DHX32: variants seen among roughly 807,000 people sequenced by gnomAD.
DHX32 encodes DEAH-box helicase 32 (putative), also known as putative pre-mRNA-splicing factor ATP-dependent RNA helicase DHX32.
Under a neutral mutation model 70.0 loss-of-function variants are expected in DHX32, and 51 were observed. That is an observed-to-expected ratio of 0.73 (90% CI 0.58 to 0.92). The LOEUF (loss-of-function observed/expected upper bound fraction) is 0.92. Among genes scored for constraint, DHX32 ranks in the 40% least tolerant of loss-of-function variants. DHX32 has a pLI of 0.00. For synonymous variants in DHX32, 310 were observed against 315.3 expected, an observed-to-expected ratio of 0.98 and a Z score of 0.18; for missense variants, 762 against 891.8, an observed-to-expected ratio of 0.85 and a Z score of 1.85.
At chr10:125,878,953 C>T (rs1283648676) in intron 1 of DHX32, among the ~76,000 whole-genome samples, 2 of 150,844 alleles carry the variant, frequency 1.3e-5, no homozygotes, top group Non-Finnish European at 2.9e-5. Flanking sequence ...CATGATCTGC[C>T]CGTCTCGGCC....
rs1157793458 is a variant in DHX32 at position 125,875,861 on chromosome 10, G to GA, written c.282+4681dup. 2.0e-5 allele frequency among the ~76,000 whole-genome samples: 3 copies of GA among 152,298 alleles called. No individual in the cohort carries two copies. In the East Asian group the frequency reaches 5.8e-4, roughly 29 times the overall value. On this transcript the variant is annotated intron_variant, in intron 1 of 10. Transcript: ENST00000284690. ...ATAGTTTAAATGATGACAGCAAAAT[G>GA]AAACTGCCTTTGTAAAACTAATGAA... is the stretch of plus-strand genomic sequence containing the variant.
chr10:125,880,218 G>A (rs775958884), intron 1 of DHX32, among the ~76,000 whole-genome samples: 2 of 152,126 alleles, frequency 1.3e-5, no homozygotes, highest in Admixed American at 6.5e-5. Flanking sequence ...GAAATAACAC[G>A]CATCACATCT....
intron 1 of DHX32, among the ~76,000 whole-genome samples, chr10:125,886,352 C>G (rs1279693042): frequency 6.6e-6 from 1 of 152,228 alleles, no homozygotes; most frequent in Non-Finnish European, 1.5e-5. Context: ...TTAAGACCAC[C>G]ACCTAACATA....
intron 1 of DHX32, among the ~76,000 whole-genome samples, chr10:125,891,426 G>T (rs1389939654): frequency 2.0e-5 from 3 of 152,172 alleles, no homozygotes; most frequent in Admixed American, 6.5e-5. Flanking sequence ...TTGATTTGTT[G>T]TCCCAAATGT....
At position 125,859,592 on chromosome 10, in the gene DHX32, C is replaced by A; in HGVS notation, c.849+11G>T. The stretch of plus-strand genomic sequence containing the variant: ...CCTTATTACTGTAAGGTTAGAGTAT[C>A]ACTTACTTACTTGTTCACAGGCCAG... On this transcript the variant is annotated intron_variant, in intron 3 of 10. Coordinates refer to ENST00000284690, the MANE Select transcript of DHX32 (RefSeq NM_018180.3). 1 of 1,553,232 alleles carries A rather than the reference C, an allele frequency of 6.4e-7. No individual in the cohort carries two copies. The highest frequency in any genetic ancestry group is 1.3e-5 in the South Asian group (1 of 79,530).
intron 1 of DHX32, among the ~76,000 whole-genome samples, chr10:125,871,846 T>A (rs2134065793): frequency 6.6e-6 from 1 of 150,712 alleles, no homozygotes; most frequent in South Asian, 2.1e-4. Flanking sequence ...TTTCTTCCCC[T>A]AGTTCTGCTT....
intron 4 of DHX32, chr10:125,853,266 C>A: frequency 6.7e-7 from 1 of 1,498,168 alleles, no homozygotes; most frequent in Non-Finnish European, 9.2e-7. Context: ...ATTTAGGAGG[C>A]TCATAGTCTC....
upstream of DHX32, among the ~76,000 whole-genome samples, chr10:125,884,239 A>C (rs1944331968): frequency 6.6e-6 from 1 of 152,208 alleles, no homozygotes; most frequent in African/African-American, 2.4e-5. Flanking sequence ...TCATCTTGCA[A>C]CTGGTGTAAG....
At position 125,880,951 on chromosome 10, in the gene DHX32, G is replaced by A. The variant is rs1408985317; in HGVS notation, c.-127C>T. On this transcript the variant is annotated 5_prime_UTR_variant, in exon 1 of 11. Transcript: ENST00000284690. The stretch of plus-strand genomic sequence containing the variant: ...GTATGTTCCAATCTCTAAGACTTCA[G>A]TTCAAGGTTTTAGCAAGTTAAATTC... 2.5e-6 allele frequency: 3 copies of A among 1,183,386 alleles called. No homozygotes were observed. The highest frequency in any genetic ancestry group is 3.5e-6 in the Non-Finnish European group (3 of 848,850). The allele number at this position is 1,183,386 out of a possible 1,614,324, so 73.3% of individuals were successfully genotyped here. A position where few individuals can be genotyped will look rare whatever the true frequency, so the allele number is the denominator to read the frequency against.
chr10:125,882,061 T>C (rs1944320550), upstream of DHX32, among the ~76,000 whole-genome samples: 1 of 152,192 alleles, frequency 6.6e-6, no homozygotes, highest in Admixed American at 6.5e-5. Flanking sequence ...TAAGGACAAC[T>C]TTTAATTTAA....
intron 6 of DHX32, among the ~76,000 whole-genome samples, chr10:125,846,447 A>T (rs1944021737): frequency 6.6e-6 from 1 of 152,316 alleles, no homozygotes; most frequent in Non-Finnish European, 1.5e-5. Context: ...TGATTTCCTC[A>T]TAAGGGTGAG....
upstream of DHX32, among the ~76,000 whole-genome samples, chr10:125,884,789 G>GTT (rs141526130): frequency 1.7e-4 from 25 of 147,690 alleles, no homozygotes; most frequent in South Asian, 4.1e-3. Flanking sequence ...TCTTTTGTGT[G>GTT]TTTTTTTTTT....
At chr10:125,891,013 A>G (rs960747522) in intron 1 of DHX32, among the ~76,000 whole-genome samples, 20 of 152,224 alleles carry the variant, frequency 1.3e-4, no homozygotes, top group Non-Finnish European at 2.1e-4. Flanking sequence ...GTTTATGTAT[A>G]GTATTAATAT....
intron 1 of DHX32, among the ~76,000 whole-genome samples, chr10:125,886,897 G>A (rs1944343661): frequency 6.6e-6 from 1 of 152,302 alleles, no homozygotes; most frequent in African/African-American, 2.4e-5. Flanking sequence ...CATCAAGTAT[G>A]AGGGGACTCT....
intron 1 of DHX32, among the ~76,000 whole-genome samples, chr10:125,869,135 A>T (rs1261855386): frequency 1.3e-5 from 2 of 152,174 alleles, no homozygotes; most frequent in African/African-American, 2.4e-5. Context: ...TGCCTCCTTT[A>T]TTCCTTAGCA....
intron 7 of DHX32, chr10:125,841,260 G>A (rs1267502351): frequency 3.1e-6 from 5 of 1,613,968 alleles, no homozygotes; most frequent in Admixed American, 1.7e-5. Flanking sequence ...GGCAGGAGCA[G>A]GGAAAACCTG....
rs1167325954 is a variant in DHX32 at position 125,866,252 on chromosome 10, G to A, written c.476+738C>T. On this transcript the variant is annotated intron_variant, in intron 2 of 10. Transcript: ENST00000284690. This position sits in a 1 kb window ranked among gnomAD's most constrained non-coding sequence, Gnocchi z 4.8. The stretch of plus-strand genomic sequence containing the variant: ...AAGGTGCTTGAGAAGCACTAGCCCA[G>A]AGCAGTGATTTTTCCAGTTTCTTTT... Among the ~76,000 whole-genome samples the A allele has an allele frequency of 6.6e-6, 1 of 152,246 alleles. No homozygotes were observed. Among genetic ancestry groups the A allele is most frequent in the African/African-American group, 2.4e-5 (1 of 41,464 alleles).
rs777109316 is a variant in DHX32 at position 125,853,957 on chromosome 10, T to C, written c.1092+4A>G. 4.3e-6 allele frequency: 7 copies of C among 1,612,794 alleles called. No homozygotes were observed. The highest frequency in any genetic ancestry group is 4.5e-5 in the East Asian group (2 of 44,854). On this transcript the variant is annotated splice_donor_region_variant and intron_variant, in intron 4 of 10. Transcript: ENST00000284690. Reference sequence around the variant, plus strand: ...GTCTGTTTAGCCTACTCAATAATAATTACCTTTCTTCTTTCCACACCCACA... The same window carrying C: ...GTCTGTTTAGCCTACTCAATAATAACTACCTTTCTTCTTTCCACACCCACA...
rs1368886326 is a variant in DHX32 at position 125,852,333 on chromosome 10, G to A, written c.1311C>T (p.Asp437=). 6.2e-7 allele frequency: 1 copy of A among 1,614,044 alleles called. No individual in the cohort carries two copies. Among genetic ancestry groups the A allele is most frequent in the Non-Finnish European group, 8.5e-7 (1 of 1,180,040 alleles). Residue 437 remains aspartate, a synonymous_variant, in exon 6 of 11, where the codon GAC becomes GAT. Coordinates refer to ENST00000284690, the MANE Select transcript of DHX32 (RefSeq NM_018180.3). ...AGTCACAGTGGCCTAGGCCCGCAAT[G>A]TCTATCCTCTTCATAAAAAGCACCA... ...TSMVLFMKRI[D]IAGLGHCDFM...
Sources: gnomAD v4.1 joint callset for allele counts (sites outside exome capture counted in the v4.1 genomes callset) on GRCh38, gnomAD v4.1.1 for gene constraint, Gnocchi (gnomAD v3.1) non-coding constraint, MANE v1.5 for transcripts, NCBI Gene and HGNC (gene_info 2026-07-23, HGNC 2026-07-21) for gene names.